CNTNAP2: variants seen among roughly 807,000 people sequenced by gnomAD.
CNTNAP2 encodes the protein contactin associated protein 2.
In CNTNAP2, 98 loss-of-function variants were observed where a neutral mutation model predicts 155.2. The observed-to-expected ratio is 0.63, with a 90% CI of 0.54 to 0.75. The LOEUF (loss-of-function observed/expected upper bound fraction) is 0.75. CNTNAP2 is among the 30% of genes least tolerant of loss of function. The pLI, the probability that CNTNAP2 is intolerant of heterozygous loss-of-function variation, is 0.00. For synonymous variants in CNTNAP2, 651 were observed against 631.2 expected (o/e 1.03, Z -0.47); for missense variants, 1,727 against 1,688.1 (o/e 1.02, Z -0.40).
At chr7:146,712,339 T>TATACATATCTTATGTATACTATATAGC in intron 1 of CNTNAP2, among the ~76,000 whole-genome samples, 1 of 126,808 alleles carries the variant, frequency 7.9e-6, no homozygotes, top group African/African-American at 3.5e-5. Flanking sequence ...TACTATATAG[T>TATACATATCTTATGTATACTATATAGC]ATACATATCT....
At chr7:146,566,007 G>A (rs1472980918) in intron 1 of CNTNAP2, among the ~76,000 whole-genome samples, 3 of 152,086 alleles carry the variant, frequency 2.0e-5, no homozygotes, top group South Asian at 4.1e-4. Context: ...CATATTCACC[G>A]GCAGATCACA....
chr7:147,457,013 C>T (rs13246463), intron 10 of CNTNAP2, among the ~76,000 whole-genome samples: 1 of 152,250 alleles, frequency 6.6e-6, no homozygotes, highest in South Asian at 2.1e-4. Flanking sequence ...TGATGAAAAT[C>T]ATTTAAAAGT....
At chr7:146,433,859 C>A (rs905926421) in intron 1 of CNTNAP2, among the ~76,000 whole-genome samples, 1 of 152,102 alleles carries the variant, frequency 6.6e-6, no homozygotes. Context: ...TTAGAAGAAG[C>A]CCAGTCTTAC....
In CNTNAP2 at chr7:146,985,308, ATTTTTTTTT is replaced by A. The variant is rs71165057; in HGVS notation, c.403-58578_403-58570del. Among the ~76,000 whole-genome samples the A allele has an allele frequency of 8.9e-4, 114 of 127,858 alleles. 1 individual carries two copies. Among genetic ancestry groups the A allele is most frequent in the African/African-American group, 3.3e-3 (107 of 32,024 alleles). 83.9% of individuals were successfully genotyped at this position (127,858 alleles called of 152,430 possible). On this transcript the variant is annotated intron_variant, in intron 3 of 23. Transcript: ENST00000361727. Reference sequence around the variant, plus strand: ...CAAAGTGCTTGTGGAAAATGCTTGAATTTTTTTTTTTTTTTTTTTTTTTTTTTTTGAGAC... The same window carrying A: ...CAAAGTGCTTGTGGAAAATGCTTGAATTTTTTTTTTTTTTTTTTTTGAGAC...
intron 3 of CNTNAP2, among the ~76,000 whole-genome samples, chr7:147,027,387 T>C (rs1214071740): frequency 6.6e-6 from 1 of 152,238 alleles, no homozygotes; most frequent in African/African-American, 2.4e-5. Flanking sequence ...AGCCACCTAA[T>C]GTTTGTATGT....
intron 3 of CNTNAP2, among the ~76,000 whole-genome samples, chr7:146,917,602 C>T (rs1796419844): frequency 1.3e-5 from 2 of 152,102 alleles, no homozygotes; most frequent in African/African-American, 2.4e-5. Context: ...TGCCCCCACC[C>T]ACATCTCATC....
intron 21 of CNTNAP2, among the ~76,000 whole-genome samples, chr7:148,295,381 A>T (rs1186814243): frequency 1.5e-5 from 2 of 134,770 alleles, no homozygotes; most frequent in Non-Finnish European, 3.2e-5. Context: ...TATAGTAACA[A>T]GGGCTACAAA....
chr7:147,872,712 T>C (rs1359437209), intron 13 of CNTNAP2, among the ~76,000 whole-genome samples: 1 of 152,204 alleles, frequency 6.6e-6, no homozygotes, highest in Non-Finnish European at 1.5e-5. Flanking sequence ...AAAAAAAACC[T>C]TTATCCAACA....
chr7:147,277,786 T>A (rs909970390), intron 8 of CNTNAP2, among the ~76,000 whole-genome samples: 4 of 150,124 alleles, frequency 2.7e-5, no homozygotes, highest in African/African-American at 4.9e-5. Context: ...TTTTTTTTTT[T>A]ACTTTTCATA....
intron 3 of CNTNAP2, among the ~76,000 whole-genome samples, chr7:146,994,628 T>A (rs565130763): frequency 5.3e-5 from 8 of 152,240 alleles, no homozygotes; most frequent in Non-Finnish European, 7.4e-5. Context: ...TTTTCCTCTA[T>A]CCCAAGAATG....
intron 1 of CNTNAP2, among the ~76,000 whole-genome samples, chr7:146,399,157 T>G (rs1035077828): frequency 7.9e-5 from 12 of 152,200 alleles, no homozygotes; most frequent in Non-Finnish European, 1.0e-4. Context: ...CTAATTGTCA[T>G]ATGCATTACC....
intron 1 of CNTNAP2, among the ~76,000 whole-genome samples, chr7:146,583,414 G>A (rs1252382917): frequency 2.6e-5 from 4 of 152,084 alleles, no homozygotes; most frequent in Non-Finnish European, 5.9e-5. Context: ...AGATGTCTGT[G>A]GGTTGAGGAG....
At chr7:146,778,124 C>G (rs1370358039) in intron 2 of CNTNAP2, among the ~76,000 whole-genome samples, 1 of 152,024 alleles carries the variant, frequency 6.6e-6, no homozygotes, top group East Asian at 1.9e-4. Context: ...ATGTAACCTA[C>G]TAATTATACA....
intron 1 of CNTNAP2, among the ~76,000 whole-genome samples, chr7:146,291,859 T>C (rs989070002): frequency 2.6e-5 from 4 of 151,704 alleles, no homozygotes; most frequent in South Asian, 2.1e-4. Flanking sequence ...GCATAAACAA[T>C]AACAGCAAAG....
chr7:146,892,489 A>C (rs1795800333), intron 3 of CNTNAP2, among the ~76,000 whole-genome samples: 1 of 152,210 alleles, frequency 6.6e-6, no homozygotes, highest in Admixed American at 6.5e-5. Flanking sequence ...ATTTATTATG[A>C]TAATGTTATT....
chr7:148,006,731 G>A (rs964650044), intron 15 of CNTNAP2, among the ~76,000 whole-genome samples: 11 of 148,914 alleles, frequency 7.4e-5, no homozygotes, highest in South Asian at 2.1e-4. Context: ...TCTTTAGTTC[G>A]TTTGTTTTAG....
chr7:148,025,630 A>G (rs924613542), intron 15 of CNTNAP2, among the ~76,000 whole-genome samples: 1 of 152,198 alleles, frequency 6.6e-6, no homozygotes, highest in African/African-American at 2.4e-5. Context: ...ACTCAAAACA[A>G]TCTATGGTCC....
chr7:146,600,640 G>C (rs1044417531), intron 1 of CNTNAP2, among the ~76,000 whole-genome samples: 2 of 152,040 alleles, frequency 1.3e-5, no homozygotes, highest in African/African-American at 4.8e-5. Flanking sequence ...CCAGGCATGC[G>C]TATGTATTCT....
chr7:146,214,354 C>G (rs2116887376), intron 1 of CNTNAP2, among the ~76,000 whole-genome samples: 1 of 152,256 alleles, frequency 6.6e-6, no homozygotes, highest in Non-Finnish European at 1.5e-5. Flanking sequence ...AAAATACTCA[C>G]TTGATACAGT....
Sources: gnomAD v4.1 joint callset for allele counts (sites outside exome capture counted in the v4.1 genomes callset) on GRCh38, gnomAD v4.1.1 for gene constraint, MANE v1.5 for transcripts, NCBI Gene and HGNC (gene_info 2026-07-23, HGNC 2026-07-21) for gene names.